Variants in CNOT6 observed in about 807,000 individuals in gnomAD.
The protein encoded by CNOT6 is CCR4-NOT transcription complex subunit 6, also known as carbon catabolite repression 4 protein.
In CNOT6, 12 loss-of-function variants were observed where a neutral mutation model predicts 61.2. The ratio of observed to expected loss-of-function variants is 0.20; its 90% confidence interval spans 0.13 to 0.32. The LOEUF (loss-of-function observed/expected upper bound fraction) is 0.32. Among genes scored for constraint, CNOT6 ranks in the 10% least tolerant of loss-of-function variants. The probability of loss-of-function intolerance (pLI) is 1.00; values close to 1 mark genes in which losing one functional copy is unlikely to be tolerated. For synonymous variants in CNOT6, 225 were observed against 240.6 expected, an observed-to-expected ratio of 0.94 and a Z score of 0.60; for missense variants, 405 against 663.9, an observed-to-expected ratio of 0.61 and a Z score of 4.28.
chr5:180,570,182 AC>A (rs1672828069), intron 10 of CNOT6, among the ~76,000 whole-genome samples: 1 of 152,062 alleles, frequency 6.6e-6, no homozygotes, highest in East Asian at 1.9e-4. Context: ...ACATGGTGAA[AC>A]CCCATCTGTA....
intron 3 of CNOT6, 47 bp downstream of exon 3, chr5:180,550,164 C>T: frequency 6.7e-7 from 1 of 1,487,854 alleles, no homozygotes; most frequent in Non-Finnish European, 9.3e-7. Flanking sequence ...ACCCCTAAAA[C>T]AAAATATAGG....
intron 1 of CNOT6, among the ~76,000 whole-genome samples, chr5:180,501,186 T>C (rs1581461285): frequency 6.6e-6 from 1 of 152,062 alleles, no homozygotes; most frequent in South Asian, 2.1e-4. Flanking sequence ...ATAATGAAAA[T>C]GTAGAAGCTG....
intron 2 of CNOT6, among the ~76,000 whole-genome samples, chr5:180,531,257 C>T: frequency 6.7e-6 from 1 of 150,240 alleles, no homozygotes; most frequent in Non-Finnish European, 1.5e-5. Flanking sequence ...AGGGGCTCCT[C>T]ACTTCTCAGA....
chr5:180,560,102 C>G (rs1378242894), intron 4 of CNOT6, among the ~76,000 whole-genome samples: 1 of 152,012 alleles, frequency 6.6e-6, no homozygotes, highest in African/African-American at 2.4e-5. Context: ...CACCCACCAC[C>G]ATGCCCGGCT....
intron 2 of CNOT6, among the ~76,000 whole-genome samples, chr5:180,531,088 C>A (rs1306121688): frequency 6.6e-6 from 1 of 151,994 alleles, no homozygotes; most frequent in Admixed American, 6.6e-5. Context: ...GGGTACACCT[C>A]CCAGATGGGG....
At chr5:180,524,827 C>T (rs958094174) in intron 1 of CNOT6, among the ~76,000 whole-genome samples, 1 of 152,130 alleles carries the variant, frequency 6.6e-6, no homozygotes, top group Non-Finnish European at 1.5e-5. Flanking sequence ...AATTTCTTAC[C>T]ATTATTAAAT....
At chr5:180,550,399 G>A (rs993151909) in intron 3 of CNOT6, among the ~76,000 whole-genome samples, 4 of 151,570 alleles carry the variant, frequency 2.6e-5, no homozygotes, top group Non-Finnish European at 4.4e-5. Flanking sequence ...GCAGTGAGCC[G>A]AGATCACACC....
chr5:180,536,755 G>A (rs1758720615), intron 2 of CNOT6, among the ~76,000 whole-genome samples: 1 of 152,158 alleles, frequency 6.6e-6, no homozygotes, highest in Non-Finnish European at 1.5e-5. Context: ...GGACTACAGT[G>A]CATGCCACCA....
At chr5:180,559,322 C>T (rs544474709) in intron 4 of CNOT6, among the ~76,000 whole-genome samples, 3 of 152,238 alleles carry the variant, frequency 2.0e-5, no homozygotes, top group South Asian at 2.1e-4. Flanking sequence ...ATTGCTGTGT[C>T]TTCTTGAGGG....
rs1202566968 is a variant in CNOT6 at position 180,536,005 on chromosome 5, T to G, written c.112+6617T>G. On this transcript the variant is annotated intron_variant, in intron 2 of 11. Coordinates refer to ENST00000261951, the MANE Select transcript of CNOT6 (RefSeq NM_001370472.1). ...TTATTAGGGTTTTTTTTTTTTTTTTTTTTTTTTTTTTTGACAGTCTCACTC... is the reference window on the plus strand; with the variant it reads ...TTATTAGGGTTTTTTTTTTTTTTTTGTTTTTTTTTTTTGACAGTCTCACTC... Among the ~76,000 whole-genome samples, 13 of 127,242 alleles carry G rather than the reference T, an allele frequency of 1.0e-4. No individual in the cohort carries two copies. The East Asian group carries it at 2.5e-3, about 25-fold the overall frequency. 83.5% of individuals were successfully genotyped at this position (127,242 alleles called of 152,430 possible). A position where few individuals can be genotyped will look rare whatever the true frequency, so the allele number is the denominator to read the frequency against.
At chr5:180,532,385 A>G (rs925474874) in intron 2 of CNOT6, among the ~76,000 whole-genome samples, 1 of 152,000 alleles carries the variant, frequency 6.6e-6, no homozygotes, top group Admixed American at 6.5e-5. Context: ...ATTCTCCTCC[A>G]CCCTCTCCTC....
intron 1 of CNOT6, among the ~76,000 whole-genome samples, chr5:180,497,647 G>A (rs1056766548): frequency 2.6e-5 from 4 of 152,094 alleles, no homozygotes; most frequent in African/African-American, 4.8e-5. Flanking sequence ...ATGTTTTACT[G>A]GGAAAACCAA....
At chr5:180,507,446 A>C (rs545625767) in intron 1 of CNOT6, among the ~76,000 whole-genome samples, 2 of 152,032 alleles carry the variant, frequency 1.3e-5, no homozygotes, top group Admixed American at 6.5e-5. Flanking sequence ...CTAAAAATAC[A>C]AAAAAATTAG....
At position 180,575,751 on chromosome 5, in the gene CNOT6, G is replaced by A. The variant is rs1045547169; in HGVS notation, c.*1551G>A. The A allele has an allele frequency of 1.3e-5, 2 of 152,630 alleles. No homozygotes were observed. Among genetic ancestry groups the A allele is most frequent in the Admixed American group, 6.5e-5 (1 of 15,276 alleles). The allele number at this position is 152,630 out of a possible 1,614,324, so 9.5% of individuals were successfully genotyped here. On this transcript the variant is annotated 3_prime_UTR_variant, in exon 12 of 12. Coordinates refer to ENST00000261951, the MANE Select transcript of CNOT6 (RefSeq NM_001370472.1). The stretch of plus-strand genomic sequence containing the variant: ...TTCTCTCAAAAGTCAAATGAATGCA[G>A]AGGGAGCTTGGTCAAACTGCTTTTG...
At chr5:180,509,088 G>A (rs1009431422) in intron 1 of CNOT6, among the ~76,000 whole-genome samples, 21 of 152,038 alleles carry the variant, frequency 1.4e-4, no homozygotes, top group African/African-American at 5.1e-4. Context: ...CCAAAGTACT[G>A]TGATTACAGG....
chr5:180,567,067 G>A (rs980268047), intron 7 of CNOT6, 21 bp from the exon 8 acceptor site: 3 of 1,589,028 alleles, frequency 1.9e-6, no homozygotes, highest in Non-Finnish European at 8.5e-7. Flanking sequence ...TGAAATAACT[G>A]TGCTGTTTAC....
intron 8 of CNOT6, 49 bp downstream of exon 8, chr5:180,567,291 G>A (rs1321696503): frequency 4.5e-6 from 7 of 1,547,538 alleles, no homozygotes; most frequent in South Asian, 2.4e-5. Flanking sequence ...TATTTGCAGG[G>A]TGGGGGCCAA....
chr5:180,529,307 C>T lies in CNOT6; in HGVS notation c.31C>T (p.Pro11Ser). The T allele has an allele frequency of 6.2e-7, 1 of 1,613,090 alleles. No homozygotes were observed. The highest frequency in any genetic ancestry group is 1.7e-5 in the Admixed American group (1 of 59,984). Reference sequence around the variant, plus strand: ...CAAAGAAAAATACGAGCCCCCTGACCCTCGGAGGATGTATACAATTATGTC... The same window carrying T: ...CAAAGAAAAATACGAGCCCCCTGACTCTCGGAGGATGTATACAATTATGTC... MPKEKYEPPD[P>S]RRMYTIMSSE... Residue 11 changes from proline to serine, a missense_variant, in exon 2 of 12, where the codon CCT (proline) becomes TCT (serine). Pro to Ser is a moderately conservative substitution (Grantham distance 74, BLOSUM62 -1). This residue lies in a region of CNOT6 where 212 missense variants were observed against 307.1 expected (regional missense o/e 0.69). Coordinates refer to ENST00000261951, the MANE Select transcript of CNOT6 (RefSeq NM_001370472.1).
chr5:180,531,330 T>C (rs1181405215), intron 2 of CNOT6, among the ~76,000 whole-genome samples: 1 of 144,636 alleles, frequency 6.9e-6, no homozygotes, highest in African/African-American at 2.6e-5. Context: ...GCAGAGACAC[T>C]CCTCAGTTCC....
Sources: allele counts gnomAD v4.1 joint callset (sites outside exome capture counted in the v4.1 genomes callset), GRCh38; gene constraint gnomAD v4.1.1; regional missense constraint gnomAD v4.1.1; transcripts MANE v1.5; gene names NCBI Gene and HGNC (gene_info 2026-07-23, HGNC 2026-07-21).